BNC2: variants seen among roughly 807,000 people sequenced by gnomAD.
The protein encoded by BNC2 is basonuclin zinc finger protein 2.
BNC2 carries 20 observed loss-of-function variants against 76.3 expected under a neutral mutation model. That is an observed-to-expected ratio of 0.26 (90% CI 0.18 to 0.38). The LOEUF (loss-of-function observed/expected upper bound fraction) is 0.38, where lower values mean the gene tolerates loss of function less well. Ranked by LOEUF, BNC2 falls within the 10% of genes least tolerant of loss-of-function variation. BNC2 has a pLI of 1.00. For synonymous variants in BNC2, 582 were observed against 514.8 expected (o/e 1.13, Z -1.77); for missense variants, 1,382 against 1,399.8 (o/e 0.99, Z 0.20).
intron 3 of BNC2, among the ~76,000 whole-genome samples, chr9:16,696,512 G>A (rs10738446): frequency 2.0e-4 from 31 of 151,916 alleles, no homozygotes; most frequent in South Asian, 6.2e-4. Context: ...GGATCTCATC[G>A]TCCCAAGTGC....
chr9:16,429,921 C>G (rs571701955), intron 6 of BNC2: 1 of 512,650 alleles, frequency 2.0e-6, no homozygotes, highest in Non-Finnish European at 3.9e-6. Context: ...TAGGAAGATC[C>G]GAGGCTCACT....
intron 5 of BNC2, among the ~76,000 whole-genome samples, chr9:16,501,365 T>A (rs754484384): frequency 3.3e-5 from 5 of 152,144 alleles, no homozygotes; most frequent in Admixed American, 6.5e-5. Context: ...TCAACACACC[T>A]CTTGACTGAT....
chr9:16,480,025 G>T (rs1822012456), intron 5 of BNC2, among the ~76,000 whole-genome samples: 1 of 152,124 alleles, frequency 6.6e-6, no homozygotes, highest in Non-Finnish European at 1.5e-5. Context: ...TTTACTATGT[G>T]GCAAGTACCA....
intron 1 of BNC2, among the ~76,000 whole-genome samples, chr9:16,761,627 G>C (rs1586862694): frequency 6.6e-6 from 1 of 152,300 alleles, no homozygotes; most frequent in East Asian, 1.9e-4. Context: ...ATACTCGTAA[G>C]TTCAGGATTC....
intron 1 of BNC2, 24 bp downstream of exon 1, chr9:16,870,618 AAGAG>A: frequency 3.1e-6 from 5 of 1,609,704 alleles, no homozygotes; most frequent in Non-Finnish European, 4.2e-6. Context: ...TCTAGAATAA[AAGAG>A]GAAGGAGGGT....
At chr9:16,503,606 G>A (rs886446364) in intron 5 of BNC2, among the ~76,000 whole-genome samples, 25 of 152,204 alleles carry the variant, frequency 1.6e-4, no homozygotes, top group Admixed American at 5.9e-4. Flanking sequence ...ATAGGAAAAT[G>A]GGGTCAAGCA....
At chr9:16,774,622 A>G (rs1825914867) in intron 1 of BNC2, among the ~76,000 whole-genome samples, 1 of 152,228 alleles carries the variant, frequency 6.6e-6, no homozygotes, top group South Asian at 2.1e-4. Context: ...AACATTTACT[A>G]AAAACATACA....
chr9:16,641,308 G>T (rs527335642), intron 3 of BNC2, among the ~76,000 whole-genome samples: 1 of 152,224 alleles, frequency 6.6e-6, no homozygotes, highest in East Asian at 1.9e-4. Context: ...TCATGGAAAA[G>T]ATCTTAAATT....
chr9:16,583,866 A>C (rs1268742814), intron 3 of BNC2, among the ~76,000 whole-genome samples: 1 of 152,220 alleles, frequency 6.6e-6, no homozygotes, highest in Non-Finnish European at 1.5e-5. Context: ...CACACTTAAA[A>C]ATCTTTCATT....
intron 3 of BNC2, among the ~76,000 whole-genome samples, chr9:16,677,313 C>T (rs1281940599): frequency 2.0e-5 from 3 of 152,138 alleles, no homozygotes; most frequent in Admixed American, 2.0e-4. Flanking sequence ...TGCCTCACAC[C>T]TGTAATCCCA....
intron 3 of BNC2, among the ~76,000 whole-genome samples, chr9:16,712,452 C>T (rs764781955): frequency 6.6e-6 from 1 of 152,108 alleles, no homozygotes; most frequent in Non-Finnish European, 1.5e-5. Context: ...TTCATAACAT[C>T]TTAGAGTATT....
At chr9:16,671,024 G>A (rs1472481680) in intron 3 of BNC2, among the ~76,000 whole-genome samples, 1 of 152,052 alleles carries the variant, frequency 6.6e-6, no homozygotes, top group Non-Finnish European at 1.5e-5. Context: ...GGAAGTTCAT[G>A]CTCAGACGGC....
At chr9:16,588,521 A>T (rs1476017848) in intron 3 of BNC2, among the ~76,000 whole-genome samples, 2 of 152,194 alleles carry the variant, frequency 1.3e-5, no homozygotes, top group Non-Finnish European at 2.9e-5. Flanking sequence ...TCTCCCAATT[A>T]TGACTCAGTT....
intron 3 of BNC2, among the ~76,000 whole-genome samples, chr9:16,665,847 TCCTA>T (rs1414896982): frequency 6.6e-6 from 1 of 152,120 alleles, no homozygotes; most frequent in Non-Finnish European, 1.5e-5. Flanking sequence ...AACAAATACT[TCCTA>T]CCTGTTGAAC....
intron 3 of BNC2, among the ~76,000 whole-genome samples, chr9:16,674,104 T>C (rs111980863): frequency 6.6e-6 from 1 of 152,356 alleles, no homozygotes; most frequent in African/African-American, 2.4e-5. Flanking sequence ...TATAAGTTCA[T>C]CTCATTACAG....
intron 1 of BNC2, among the ~76,000 whole-genome samples, chr9:16,821,590 G>C (rs1563958794): frequency 6.6e-6 from 1 of 152,176 alleles, no homozygotes; most frequent in Non-Finnish European, 1.5e-5. Flanking sequence ...TAAACAGCAA[G>C]AGGTTACAAC....
intron 1 of BNC2, among the ~76,000 whole-genome samples, chr9:16,824,273 G>A (rs1818404053): frequency 1.3e-5 from 2 of 152,040 alleles, no homozygotes; most frequent in Non-Finnish European, 2.9e-5. Context: ...TTAATGTTTG[G>A]TCATTTTATG....
intron 5 of BNC2, among the ~76,000 whole-genome samples, chr9:16,483,560 T>C (rs113768891): frequency 2.6e-5 from 4 of 152,158 alleles, no homozygotes; most frequent in African/African-American, 4.8e-5. Flanking sequence ...TGCCATGAAA[T>C]AGGAGGAAGC....
At chr9:16,531,545 C>T (rs549353765) in intron 5 of BNC2, among the ~76,000 whole-genome samples, 1 of 151,114 alleles carries the variant, frequency 6.6e-6, no homozygotes, top group East Asian at 1.9e-4. Flanking sequence ...AACATAACTT[C>T]ACAGAGTTAT....
Sources: allele counts gnomAD v4.1 joint callset (sites outside exome capture counted in the v4.1 genomes callset), GRCh38; gene constraint gnomAD v4.1.1; transcripts MANE v1.5; gene names NCBI Gene and HGNC (gene_info 2026-07-23, HGNC 2026-07-21).